OR7C1: variants seen among roughly 807,000 people sequenced by gnomAD.
The protein encoded by OR7C1 is olfactory receptor 7C1.
For missense variants in OR7C1, 324 were observed against 383.3 expected, an observed-to-expected ratio of 0.85 and a Z score of 1.29; for synonymous variants, 152 against 160.7, an observed-to-expected ratio of 0.95 and a Z score of 0.41.
chr19:14,814,487 G>C (rs1396055401), intron 1 of OR7C1, among the ~76,000 whole-genome samples: 1 of 151,800 alleles, frequency 6.6e-6, no homozygotes, highest in African/African-American at 2.4e-5. Context: ...GCAATGGTGC[G>C]ATCTCGGCTC....
rs769062612 is a variant in OR7C1 at position 14,828,112 on chromosome 19, G to T, written c.-623+6962C>A. ...TCTGAGATTGTGGCCAGGATGATGA[G>T]CAGGTTCCCGAGCACAGTGACCAGG... On this transcript the variant is annotated intron_variant, in intron 1 of 4. Transcript: ENST00000641666. The T allele has an allele frequency of 1.6e-4, 252 of 1,614,042 alleles. No individual in the cohort carries two copies. The highest frequency in any genetic ancestry group is 2.1e-4 in the Non-Finnish European group (242 of 1,180,032).
At chr19:14,822,214 T>C (rs1286973140) in intron 1 of OR7C1, among the ~76,000 whole-genome samples, 2 of 152,176 alleles carry the variant, frequency 1.3e-5, no homozygotes, top group African/African-American at 4.8e-5. Context: ...CCTTTGGCTA[T>C]ATATGCAGTC....
chr19:14,830,871 C>T (rs564547895), intron 1 of OR7C1, among the ~76,000 whole-genome samples: 4 of 152,252 alleles, frequency 2.6e-5, no homozygotes, highest in South Asian at 2.1e-4. Context: ...TTCCTGCACC[C>T]GTCTTATCAC....
intron 1 of OR7C1, among the ~76,000 whole-genome samples, chr19:14,820,636 A>G (rs1599920697): frequency 6.6e-6 from 1 of 152,224 alleles, no homozygotes; most frequent in South Asian, 2.1e-4. Flanking sequence ...ACAGTGAAGA[A>G]AGCAGGTGAA....
intron 1 of OR7C1, among the ~76,000 whole-genome samples, chr19:14,828,758 CAAAAAAAAAAA>C (rs58983718): frequency 0.059 from 2,059 of 35,138 alleles, 51 homozygotes; most frequent in African/African-American, 0.21. Context: ...GACTCCATCT[CAAAAAAAAAAA>C]AAAAAAAAAA....
chr19:14,808,110 A>C (rs535980099), intron 2 of OR7C1, among the ~76,000 whole-genome samples: 34 of 151,780 alleles, frequency 2.2e-4, no homozygotes, highest in Non-Finnish European at 4.1e-4. Flanking sequence ...AAAAAAAAAA[A>C]AAACAACAAC....
At chr19:14,803,708 A>T (rs534742493) in intron 2 of OR7C1, among the ~76,000 whole-genome samples, 18 of 151,008 alleles carry the variant, frequency 1.2e-4, no homozygotes, top group African/African-American at 4.4e-4. Flanking sequence ...TAATAATAAT[A>T]ATAATAATTT....
chr19:14,817,704 T>C (rs2044722108), intron 1 of OR7C1, among the ~76,000 whole-genome samples: 1 of 152,200 alleles, frequency 6.6e-6, no homozygotes, highest in South Asian at 2.1e-4. Context: ...GATTATTTCA[T>C]AATCAATCTA....
At chr19:14,820,440 C>T (rs1056751626) in intron 1 of OR7C1, among the ~76,000 whole-genome samples, 1 of 152,018 alleles carries the variant, frequency 6.6e-6, no homozygotes, top group East Asian at 1.9e-4. Context: ...GGACAAATAC[C>T]TAATGCATGA....
intron 1 of OR7C1, among the ~76,000 whole-genome samples, chr19:14,832,775 A>G (rs950718208): frequency 2.0e-5 from 3 of 152,206 alleles, no homozygotes; most frequent in African/African-American, 7.2e-5. Context: ...TATTAAAAAA[A>G]GAATTATAAA....
At chr19:14,803,770 C>T (rs576687015) in intron 2 of OR7C1, among the ~76,000 whole-genome samples, 327 of 151,498 alleles carry the variant, frequency 2.2e-3, no homozygotes, top group African/African-American at 7.5e-3. Flanking sequence ...AGTGCAGTGG[C>T]GCGATCTCGG....
Position 14,803,134 on chromosome 19 carries a change from C to T in OR7C1, c.-434-2370G>A, listed in dbSNP as rs112638908. 2.0e-3 allele frequency among the ~76,000 whole-genome samples: 301 copies of T among 151,906 alleles called. 1 individual carries two copies. Among genetic ancestry groups the T allele is most frequent in the African/African-American group, 6.7e-3 (279 of 41,422 alleles). On this transcript the variant is annotated intron_variant, in intron 2 of 4. Transcript: ENST00000641666. ...CCAGCCTGGCCAACATGGTGAAACC[C>T]CGTCTCTACTAAAAATACAAAAATT...
chr19:14,818,130 C>A (rs2044724876), intron 1 of OR7C1, among the ~76,000 whole-genome samples: 1 of 150,710 alleles, frequency 6.6e-6, no homozygotes, highest in East Asian at 1.9e-4. Flanking sequence ...CGCTCTGTCC[C>A]CTAGACTGGA....
rs189337078 is a variant in OR7C1, at chr19:14,809,081, G to C, written c.-435+725C>G. Among the ~76,000 whole-genome samples, 4 of 151,856 alleles carry C rather than the reference G, an allele frequency of 2.6e-5. No homozygotes were observed. The South Asian group carries it at 8.3e-4, about 31-fold the overall frequency. ...AACAAATAAATCAATGGTGTGTTTCGAGTGACACTCAGCCCTGAATTTGAC... is the reference window on the plus strand; with the variant it reads ...AACAAATAAATCAATGGTGTGTTTCCAGTGACACTCAGCCCTGAATTTGAC... On this transcript the variant is annotated intron_variant, in intron 2 of 4. Transcript: ENST00000641666.
chr19:14,818,062 T>A (rs117733013), intron 1 of OR7C1, among the ~76,000 whole-genome samples: 10,971 of 139,344 alleles, frequency 0.079, 555 homozygotes, highest in Middle Eastern at 0.17. Flanking sequence ...ATTTTATTTA[T>A]TTTATTTATT....
chr19:14,819,945 C>T (rs1480993725), intron 1 of OR7C1, among the ~76,000 whole-genome samples: 1 of 152,188 alleles, frequency 6.6e-6, no homozygotes, highest in Non-Finnish European at 1.5e-5. Context: ...CTCGCTCTGT[C>T]ACCCAGCCTG....
rs146377382 is a variant in OR7C1, at chr19:14,827,462, A to G, written c.-623+7612T>C. On this transcript the variant is annotated intron_variant, in intron 1 of 4. Transcript: ENST00000641666. ...GTGAGTTGCGGGTGGCAGCAGAACT[A>G]AGGTACACCCCTAGGATTGCACCAT... 2.3e-4 allele frequency: 372 copies of G among 1,614,126 alleles called. 2 individuals are homozygous for G. The African/African-American group carries it at 4.5e-3, about 20-fold the overall frequency.
chr19:14,802,752 A>T (rs1181060952), intron 2 of OR7C1, among the ~76,000 whole-genome samples: 1 of 152,192 alleles, frequency 6.6e-6, no homozygotes, highest in Admixed American at 6.5e-5. Context: ...GGGACATATG[A>T]CTTTGAAAAT....
chr19:14,802,164 C>A (rs950074929), intron 2 of OR7C1, among the ~76,000 whole-genome samples: 4 of 152,218 alleles, frequency 2.6e-5, no homozygotes, highest in African/African-American at 9.6e-5. Context: ...TATGACAACC[C>A]CACAGTCCCA....
Sources: allele counts gnomAD v4.1 joint callset (sites outside exome capture counted in the v4.1 genomes callset), GRCh38; gene constraint gnomAD v4.1.1; transcripts MANE v1.5; gene names NCBI Gene and HGNC (gene_info 2026-07-23, HGNC 2026-07-21).